Variants in CNBD1 observed in about 807,000 individuals in gnomAD.
The protein encoded by CNBD1 is cyclic nucleotide-binding domain-containing protein 1.
Under a neutral mutation model 54.4 loss-of-function variants are expected in CNBD1, and 71 were observed. That is an observed-to-expected ratio of 1.30 (90% CI 1.08 to 1.59). CNBD1 has a LOEUF of 1.59. CNBD1 is among the 40% of genes most tolerant of loss of function. The pLI is 0.00. For missense variants in CNBD1, 659 were observed against 518.0 expected, an observed-to-expected ratio of 1.27 and a Z score of -2.64; for synonymous variants, 182 against 170.7, an observed-to-expected ratio of 1.07 and a Z score of -0.51.
chr8:87,021,051 G>A (rs1226909613), intron 4 of CNBD1, among the ~76,000 whole-genome samples: 3 of 152,170 alleles, frequency 2.0e-5, no homozygotes, highest in Admixed American at 1.3e-4. Context: ...CTGCTTTTGA[G>A]TTGTCCCGCC....
chr8:87,045,188 A>G (rs1020865323), intron 4 of CNBD1, among the ~76,000 whole-genome samples: 17 of 152,158 alleles, frequency 1.1e-4, no homozygotes, highest in Non-Finnish European at 2.9e-5. Context: ...CTTGGAGTTT[A>G]ATAGCCTCTA....
At chr8:87,195,400 G>A (rs901505094) in intron 4 of CNBD1, among the ~76,000 whole-genome samples, 4 of 149,594 alleles carry the variant, frequency 2.7e-5, no homozygotes, top group South Asian at 2.1e-4. Context: ...GGCTAATTTT[G>A]TAGTTTTAGT....
chr8:87,398,200 ATATTTTCT>A (rs1029427670), intron 2 of CNBD1, among the ~76,000 whole-genome samples: 10 of 151,076 alleles, frequency 6.6e-5, no homozygotes, highest in Non-Finnish European at 1.5e-4. Flanking sequence ...TAGATTTGAA[ATATTTTCT>A]TATTTTCTTA....
At chr8:86,867,876 T>TA (rs1251498970) in intron 1 of CNBD1, among the ~76,000 whole-genome samples, 1 of 152,158 alleles carries the variant, frequency 6.6e-6, no homozygotes, top group Non-Finnish European at 1.5e-5. Context: ...GTGAAGTGAT[T>TA]AAAAGACGAA....
intron 10 of CNBD1, among the ~76,000 whole-genome samples, chr8:87,373,269 A>G (rs1810857314): frequency 6.6e-6 from 1 of 151,826 alleles, no homozygotes; most frequent in Non-Finnish European, 1.5e-5. Flanking sequence ...ACTTCTACTG[A>G]TACTTCTAAT....
intron 4 of CNBD1, among the ~76,000 whole-genome samples, chr8:87,026,971 G>A (rs1321072087): frequency 6.6e-6 from 1 of 152,124 alleles, no homozygotes; most frequent in Admixed American, 6.6e-5. Context: ...TGACAGTTCT[G>A]AAGAAGTTTC....
At chr8:87,148,237 C>G (rs1329228094) in intron 4 of CNBD1, among the ~76,000 whole-genome samples, 2 of 151,878 alleles carry the variant, frequency 1.3e-5, no homozygotes, top group South Asian at 2.1e-4. Context: ...TTTCTGTTTC[C>G]TTTTGGTTTC....
chr8:87,102,180 T>G (rs527525820), intron 4 of CNBD1, among the ~76,000 whole-genome samples: 1 of 152,148 alleles, frequency 6.6e-6, no homozygotes, highest in South Asian at 2.1e-4. Flanking sequence ...AACCACTTCG[T>G]CCGGCCCAGA....
chr8:87,032,208 G>A (rs1417497288), intron 4 of CNBD1, among the ~76,000 whole-genome samples: 2 of 152,104 alleles, frequency 1.3e-5, no homozygotes, highest in South Asian at 2.1e-4. Flanking sequence ...AAAATTATAT[G>A]CAATTCACCC....
chr8:87,327,805 A>G (rs528414462), intron 8 of CNBD1, among the ~76,000 whole-genome samples: 11 of 152,094 alleles, frequency 7.2e-5, no homozygotes, highest in Non-Finnish European at 1.6e-4. Context: ...AGCTGTTCCT[A>G]TTCGGCCATC....
At chr8:87,270,314 A>T (rs1275714137) in intron 6 of CNBD1, among the ~76,000 whole-genome samples, 1 of 152,024 alleles carries the variant, frequency 6.6e-6, no homozygotes, top group African/African-American at 2.4e-5. Context: ...ACATAAACAG[A>T]CACTTTTCAA....
chr8:87,360,678 A>G (rs1810508013), intron 10 of CNBD1, among the ~76,000 whole-genome samples: 1 of 151,996 alleles, frequency 6.6e-6, no homozygotes, highest in Admixed American at 6.6e-5. Flanking sequence ...TTTTATCTAT[A>G]AAATGAATTA....
chr8:87,358,894 TAGAC>T (rs1348345258), intron 10 of CNBD1, among the ~76,000 whole-genome samples: 1 of 152,266 alleles, frequency 6.6e-6, no homozygotes, highest in African/African-American at 2.4e-5. Context: ...GAAGAAGAGA[TAGAC>T]AGAATTCCTC....
At chr8:87,107,865 A>G (rs1052760049) in intron 4 of CNBD1, among the ~76,000 whole-genome samples, 1 of 152,142 alleles carries the variant, frequency 6.6e-6, no homozygotes, top group African/African-American at 2.4e-5. Context: ...CCAGCAGCAT[A>G]CCCATAGGGC....
chr8:87,363,735 T>C (rs531499745), intron 10 of CNBD1, among the ~76,000 whole-genome samples: 1 of 152,136 alleles, frequency 6.6e-6, no homozygotes, highest in South Asian at 2.1e-4. Flanking sequence ...TTTAAGTTCC[T>C]TGTGGATTCT....
chr8:87,240,065 AACACACAC>A (rs10608912), intron 6 of CNBD1, among the ~76,000 whole-genome samples: 492 of 146,292 alleles, frequency 3.4e-3, no homozygotes, highest in South Asian at 3.6e-3. Flanking sequence ...TCTGTGCCAA[AACACACAC>A]ACACACACAC....
At chr8:86,911,951 G>C (rs1472216292) in intron 3 of CNBD1, among the ~76,000 whole-genome samples, 1 of 151,932 alleles carries the variant, frequency 6.6e-6, no homozygotes. Flanking sequence ...TTTTAATGCT[G>C]ATGAAAAAAA....
At chr8:87,363,793 A>G (rs896096277) in intron 10 of CNBD1, among the ~76,000 whole-genome samples, 68 of 152,034 alleles carry the variant, frequency 4.5e-4, no homozygotes, top group Non-Finnish European at 1.8e-4. Flanking sequence ...TTTTTCTCCC[A>G]TTCTGTAGGT....
chr8:86,872,797 A>C (rs1808459674), intron 1 of CNBD1, among the ~76,000 whole-genome samples: 2 of 152,066 alleles, frequency 1.3e-5, no homozygotes, highest in African/African-American at 2.4e-5. Context: ...GAATTGTTTG[A>C]GTTCCCTATA....
Sources: allele counts gnomAD v4.1 joint callset (sites outside exome capture counted in the v4.1 genomes callset), GRCh38; gene constraint gnomAD v4.1.1; transcripts MANE v1.5; gene names NCBI Gene and HGNC (gene_info 2026-07-23, HGNC 2026-07-21).